RBFOX1: variants seen among roughly 807,000 people sequenced by gnomAD.
RBFOX1 encodes the protein RNA binding fox-1 homolog 1.
In RBFOX1, 8 loss-of-function variants were observed where a neutral mutation model predicts 57.7. The observed-to-expected ratio is 0.14, with a 90% confidence interval of 0.08 to 0.25. The LOEUF (loss-of-function observed/expected upper bound fraction) is 0.25. RBFOX1 is among the 10% of genes least tolerant of loss of function. The probability of loss-of-function intolerance (pLI) is 1.00; values close to 1 mark genes in which losing one functional copy is unlikely to be tolerated. For synonymous variants in RBFOX1, 326 were observed against 222.4 expected (o/e 1.47, Z -4.15); for missense variants, 611 against 548.5 (o/e 1.11, Z -1.14).
At chr16:6,596,511 C>T (rs1388326470) in intron 2 of RBFOX1, among the ~76,000 whole-genome samples, 5 of 146,552 alleles carry the variant, frequency 3.4e-5, no homozygotes, top group African/African-American at 1.4e-4. Flanking sequence ...AGGAGGGGTC[C>T]CACTCCTGTG....
chr16:7,024,997 C>G (rs889860836), intron 3 of RBFOX1, among the ~76,000 whole-genome samples: 1 of 152,144 alleles, frequency 6.6e-6, no homozygotes, highest in African/African-American at 2.4e-5. Context: ...GAAACTGTTA[C>G]AGGCAAGGGG....
intron 3 of RBFOX1, among the ~76,000 whole-genome samples, chr16:6,712,009 C>G (rs1568315919): frequency 6.6e-6 from 1 of 152,180 alleles, no homozygotes; most frequent in Non-Finnish European, 1.5e-5. Flanking sequence ...TGTTATCTCG[C>G]TCTCTTTCTC....
intron 3 of RBFOX1, among the ~76,000 whole-genome samples, chr16:6,820,822 G>A (rs1044458476): frequency 6.6e-6 from 1 of 152,162 alleles, no homozygotes; most frequent in Admixed American, 6.5e-5. Context: ...TGGACCATTG[G>A]TACTTCCAAA....
At chr16:6,090,557 G>T (rs944998105) in intron 1 of RBFOX1, among the ~76,000 whole-genome samples, 1 of 152,356 alleles carries the variant, frequency 6.6e-6, no homozygotes, top group East Asian at 1.9e-4. Flanking sequence ...ATCAAAGGCA[G>T]TGGGAAAAAT....
At chr16:6,146,613 G>A (rs2096760177) in intron 1 of RBFOX1, among the ~76,000 whole-genome samples, 1 of 152,192 alleles carries the variant, frequency 6.6e-6, no homozygotes, top group Non-Finnish European at 1.5e-5. Context: ...TTTCACAAGT[G>A]TAAAATATAA....
intron 1 of RBFOX1, among the ~76,000 whole-genome samples, chr16:5,428,032 G>C (rs893442179): frequency 1.3e-5 from 2 of 152,192 alleles, no homozygotes; most frequent in Non-Finnish European, 2.9e-5. Context: ...TTGTTACACT[G>C]TGTAGGTAGC....
intron 1 of RBFOX1, among the ~76,000 whole-genome samples, chr16:5,443,124 C>G (rs2068135619): frequency 6.6e-6 from 1 of 152,070 alleles, no homozygotes; most frequent in African/African-American, 2.4e-5. Flanking sequence ...CTTCTAGCCT[C>G]CAGAACTGAG....
At chr16:6,754,373 A>C (rs2075442361) in intron 3 of RBFOX1, among the ~76,000 whole-genome samples, 1 of 152,232 alleles carries the variant, frequency 6.6e-6, no homozygotes, top group African/African-American at 2.4e-5. Context: ...ATTGGAATTA[A>C]ATTTATTTGT....
intron 3 of RBFOX1, among the ~76,000 whole-genome samples, chr16:6,901,062 G>T (rs1029777832): frequency 6.6e-6 from 1 of 152,104 alleles, no homozygotes; most frequent in Non-Finnish European, 1.5e-5. Context: ...TCACAGCTTG[G>T]CCACTGGATA....
chr16:5,361,100 C>G (rs1326203828), intron 1 of RBFOX1, among the ~76,000 whole-genome samples: 1 of 152,206 alleles, frequency 6.6e-6, no homozygotes, highest in African/African-American at 2.4e-5. Flanking sequence ...GATTTAATCT[C>G]TGCAATAATC....
At chr16:5,333,914 T>G (rs74003879) in intron 1 of RBFOX1, among the ~76,000 whole-genome samples, 16 of 152,316 alleles carry the variant, frequency 1.1e-4, no homozygotes, top group African/African-American at 3.1e-4. Context: ...GCAAGTGCAT[T>G]CTGGAGATGT....
intron 3 of RBFOX1, among the ~76,000 whole-genome samples, chr16:6,923,684 C>G (rs1165703690): frequency 3.3e-5 from 5 of 152,126 alleles, no homozygotes; most frequent in African/African-American, 7.2e-5. Flanking sequence ...ACTCTTTACC[C>G]CTTGACTGCC....
At chr16:5,961,825 G>T (rs73516292) in intron 4 of RBFOX1, among the ~76,000 whole-genome samples, 2 of 152,136 alleles carry the variant, frequency 1.3e-5, no homozygotes, top group Non-Finnish European at 2.9e-5. Context: ...ATCATGTCCC[G>T]CCTCCCCTTG....
At chr16:7,491,891 C>G (rs1210699845) in intron 4 of RBFOX1, among the ~76,000 whole-genome samples, 3 of 152,192 alleles carry the variant, frequency 2.0e-5, no homozygotes, top group Admixed American at 6.5e-5. Flanking sequence ...TCTGGCCAAT[C>G]TTCCAAATCT....
intron 3 of RBFOX1, among the ~76,000 whole-genome samples, chr16:6,920,340 A>G (rs1350774325): frequency 1.3e-5 from 2 of 151,988 alleles, no homozygotes; most frequent in Non-Finnish European, 2.9e-5. Context: ...AATGAAGTTC[A>G]CTCCTGATAT....
chr16:7,693,148 T>A (rs1027623111), intron 14 of RBFOX1, among the ~76,000 whole-genome samples: 1 of 152,108 alleles, frequency 6.6e-6, no homozygotes, highest in African/African-American at 2.4e-5. Context: ...CCCCGCATGC[T>A]TATTTCATGA....
intron 3 of RBFOX1, among the ~76,000 whole-genome samples, chr16:6,714,876 G>T (rs74919926): frequency 6.6e-6 from 1 of 152,038 alleles, no homozygotes; most frequent in Non-Finnish European, 1.5e-5. Context: ...GCAGAAAAAA[G>T]TCTCTAGAAG....
At chr16:6,256,471 T>G (rs948166051) in intron 1 of RBFOX1, among the ~76,000 whole-genome samples, 4 of 151,300 alleles carry the variant, frequency 2.6e-5, no homozygotes, top group Admixed American at 6.6e-5. Context: ...GACAGAGATG[T>G]GAATCAGAGA....
chr16:6,950,413 T>C (rs371713276), intron 3 of RBFOX1, among the ~76,000 whole-genome samples: 13 of 152,096 alleles, frequency 8.5e-5, no homozygotes, highest in East Asian at 7.7e-4. Context: ...CAGCATGCAC[T>C]GAGAACAGGG....
Sources: allele counts gnomAD v4.1 joint callset (sites outside exome capture counted in the v4.1 genomes callset), GRCh38; gene constraint gnomAD v4.1.1; transcripts MANE v1.5; gene names NCBI Gene and HGNC (gene_info 2026-07-23, HGNC 2026-07-21).